The following BRINP1 variants were observed in gnomAD, a reference collection of about 807,000 sequenced individuals.
BRINP1 encodes BMP/retinoic acid-inducible neural-specific protein 1.
A neutral mutation model predicts 72.9 loss-of-function variants in BRINP1; 17 were observed. The observed-to-expected ratio is 0.23, with a 90% confidence interval of 0.16 to 0.35. The LOEUF is 0.35. Among genes scored for constraint, BRINP1 ranks in the 10% least tolerant of loss-of-function variants. The pLI, the probability that BRINP1 is intolerant of heterozygous loss-of-function variation, is 1.00. For synonymous variants in BRINP1, 418 were observed against 378.5 expected (o/e 1.10, Z -1.21); for missense variants, 850 against 1,001.6 (o/e 0.85, Z 2.04).
chr9:119,195,687 C>T (rs1829730698), intron 7 of BRINP1, among the ~76,000 whole-genome samples: 1 of 152,198 alleles, frequency 6.6e-6, no homozygotes. Context: ...GGTTAGCAGT[C>T]GTGCCACCTC....
intron 7 of BRINP1, among the ~76,000 whole-genome samples, chr9:119,198,744 T>A (rs1375178539): frequency 6.6e-6 from 1 of 151,818 alleles, no homozygotes. Flanking sequence ...TGATCTTGGC[T>A]CACTGCAATC....
chr9:119,325,102 A>G (rs1831226374), intron 1 of BRINP1, among the ~76,000 whole-genome samples: 1 of 152,086 alleles, frequency 6.6e-6, no homozygotes, highest in Admixed American at 6.5e-5. Flanking sequence ...CTCTGTCAAA[A>G]GGAAAGAAAG....
chr9:119,208,674 C>T (rs376634635), intron 7 of BRINP1, 45 bp downstream of exon 7: 31 of 1,569,018 alleles, frequency 2.0e-5, no homozygotes, highest in East Asian at 4.5e-5. Flanking sequence ...ATGTAGCTAA[C>T]GCCAGGTAGG....
chr9:119,179,366 G>A lies in BRINP1; in HGVS notation c.1146-11142C>T, dbSNP rs138479309. Among the ~76,000 whole-genome samples the A allele has an allele frequency of 5.0e-3, 756 of 152,230 alleles. 2 individuals are homozygous for A. The highest frequency in any genetic ancestry group is 0.014 in the Middle Eastern group (4 of 294). On this transcript the variant is annotated intron_variant, in intron 7 of 7. Transcript: ENST00000265922. The stretch of plus-strand genomic sequence containing the variant: ...CTGAGAGGAGAGAAGGAAGGAGAAA[G>A]TAGGAGAAAGAAGGAAGTTGCATTT...
intron 2 of BRINP1, among the ~76,000 whole-genome samples, chr9:119,272,490 G>A (rs757166141): frequency 2.2e-4 from 34 of 152,154 alleles, no homozygotes; most frequent in Non-Finnish European, 2.2e-4. Context: ...GAATTCATAA[G>A]AGCAGACAAC....
chr9:119,315,481 A>T (rs1404368561), intron 1 of BRINP1, among the ~76,000 whole-genome samples: 1 of 152,148 alleles, frequency 6.6e-6, no homozygotes, highest in East Asian at 1.9e-4. Flanking sequence ...TCCACTGACT[A>T]GCTATTCCCT....
chr9:119,328,390 C>G (rs968662043), intron 1 of BRINP1, among the ~76,000 whole-genome samples: 1 of 152,280 alleles, frequency 6.6e-6, no homozygotes, highest in African/African-American at 2.4e-5. Context: ...ATGGAAAAAG[C>G]AGAAGAGCAA....
At chr9:119,173,024 C>A (rs1829435369) in intron 7 of BRINP1, among the ~76,000 whole-genome samples, 2 of 147,410 alleles carry the variant, frequency 1.4e-5, no homozygotes, top group Admixed American at 6.8e-5. Flanking sequence ...CAGCCGATAT[C>A]ATACTGAATG....
chr9:119,296,200 A>G (rs1314898844), intron 2 of BRINP1, among the ~76,000 whole-genome samples: 1 of 152,232 alleles, frequency 6.6e-6, no homozygotes, highest in East Asian at 1.9e-4. Context: ...AGCAAAAGAA[A>G]GAAATAACTC....
chr9:119,266,320 C>A (rs1013372286), intron 2 of BRINP1, among the ~76,000 whole-genome samples: 3 of 152,046 alleles, frequency 2.0e-5, no homozygotes, highest in African/African-American at 7.2e-5. Context: ...AGAGAGGGAG[C>A]AGAGGCCACA....
In BRINP1 at chr9:119,271,569, C is replaced by T. The variant is rs148512146; in HGVS notation, c.219-22419G>A. On this transcript the variant is annotated intron_variant, in intron 2 of 7. Transcript: ENST00000265922. ...TCATTTACTTATTGTTTATATATGT[C>T]CTCATTCTTAGAAGAAACATGCCAA... 4.5e-4 allele frequency among the ~76,000 whole-genome samples: 68 copies of T among 151,668 alleles called. No homozygotes were observed. In the East Asian group the frequency reaches 0.013, roughly 28 times the overall value.
At chr9:119,285,395 C>G (rs599616) in intron 2 of BRINP1, among the ~76,000 whole-genome samples, 41,033 of 151,964 alleles carry the variant, frequency 0.27, 6,395 homozygotes, top group Non-Finnish European at 0.35. Flanking sequence ...TTTGATTCAA[C>G]CATTTATATC....
chr9:119,240,703 G>A (rs1420460590), intron 4 of BRINP1, among the ~76,000 whole-genome samples: 1 of 152,072 alleles, frequency 6.6e-6, no homozygotes. Flanking sequence ...TTGTTGGTCT[G>A]ATTTATTTCT....
intron 1 of BRINP1, among the ~76,000 whole-genome samples, chr9:119,339,533 C>A (rs1831387095): frequency 6.6e-6 from 1 of 152,150 alleles, no homozygotes; most frequent in Non-Finnish European, 1.5e-5. Flanking sequence ...TCAATACATA[C>A]CTTTGGAATG....
At chr9:119,281,613 A>G (rs1830713498) in intron 2 of BRINP1, among the ~76,000 whole-genome samples, 1 of 152,226 alleles carries the variant, frequency 6.6e-6, no homozygotes. Context: ...CCCTTTGGAA[A>G]AATATTCAAA....
intron 7 of BRINP1, among the ~76,000 whole-genome samples, chr9:119,169,297 C>T (rs1246821368): frequency 1.3e-5 from 2 of 152,208 alleles, no homozygotes; most frequent in African/African-American, 4.8e-5. Flanking sequence ...TGAAGCAGGG[C>T]GAGGCATTGC....
intron 1 of BRINP1, among the ~76,000 whole-genome samples, chr9:119,351,810 A>C (rs903072155): frequency 8.2e-6 from 1 of 122,218 alleles, no homozygotes; most frequent in African/African-American, 3.0e-5. Flanking sequence ...TTCTCTTTTT[A>C]TTTTTTTATT....
At chr9:119,246,282 C>A (rs1331740380) in intron 3 of BRINP1, among the ~76,000 whole-genome samples, 1 of 152,138 alleles carries the variant, frequency 6.6e-6, no homozygotes, top group African/African-American at 2.4e-5. Flanking sequence ...ACATTTGAGT[C>A]AGTGGACTGG....
intron 7 of BRINP1, among the ~76,000 whole-genome samples, chr9:119,193,730 G>A (rs1829705386): frequency 6.6e-6 from 1 of 152,134 alleles, no homozygotes; most frequent in South Asian, 2.1e-4. Flanking sequence ...GTTTTACACT[G>A]GAAAAATGAA....
Sources: gnomAD v4.1 joint callset for allele counts (sites outside exome capture counted in the v4.1 genomes callset) on GRCh38, gnomAD v4.1.1 for gene constraint, MANE v1.5 for transcripts, NCBI Gene and HGNC (gene_info 2026-07-23, HGNC 2026-07-21) for gene names.